STAU1: variants seen among roughly 807,000 people sequenced by gnomAD.
The protein encoded by STAU1 is staufen double-stranded RNA binding protein 1, also known as double-stranded RNA-binding protein Staufen homolog 1.
In STAU1, 13 loss-of-function variants were observed where a neutral mutation model predicts 62.9. The ratio of observed to expected loss-of-function variants is 0.21; its 90% CI spans 0.13 to 0.33. STAU1 has a LOEUF of 0.33. Ranked by LOEUF, STAU1 falls within the 10% of genes least tolerant of loss-of-function variation. STAU1 has a pLI of 1.00. For synonymous variants in STAU1, 269 were observed against 265.1 expected (o/e 1.01, Z -0.14); for missense variants, 571 against 712.1 (o/e 0.80, Z 2.25).
chr20:49,193,992 T>C, the STAU1 span, among the ~76,000 whole-genome samples: 2 of 151,962 alleles, frequency 1.3e-5, no homozygotes, highest in African/African-American at 4.8e-5. Flanking sequence ...AAAAGTGGTA[T>C]TTCAAATTGG....
chr20:49,114,785 C>A lies in STAU1; in HGVS notation c.*93G>T, dbSNP rs2092273372. On this transcript the variant is annotated 3_prime_UTR_variant, in exon 14 of 14. Transcript: ENST00000371856. ...TTTACCCACCGTGTCTCTCGGCCCACTGGAGGTATCAGAAATTCCAAATTT... is the reference window on the plus strand; with the variant it reads ...TTTACCCACCGTGTCTCTCGGCCCAATGGAGGTATCAGAAATTCCAAATTT... The A allele has an allele frequency of 4.1e-6, 5 of 1,227,204 alleles. No homozygotes were observed. In the South Asian group the frequency reaches 6.2e-5, roughly 15 times the overall value. 76.0% of individuals were successfully genotyped at this position (1,227,204 alleles called of 1,614,324 possible).
At chr20:49,175,372 A>C (rs2146507432) in intron 1 of STAU1, among the ~76,000 whole-genome samples, 1 of 152,092 alleles carries the variant, frequency 6.6e-6, no homozygotes, top group Non-Finnish European at 1.5e-5. Context: ...CTGGGTGAAG[A>C]ATATTTTGCA....
In STAU1 at chr20:49,174,704, G is replaced by A. The variant is rs1002799773; in HGVS notation, c.-159-435C>T. On this transcript the variant is annotated intron_variant, in intron 1 of 13. Transcript: ENST00000371856. ...TGTAATCCCAGCACTTTGGGAGGCCGAGGCGGGTGGATCACGAGGTCAGGA... is the reference window on the plus strand; with the variant it reads ...TGTAATCCCAGCACTTTGGGAGGCCAAGGCGGGTGGATCACGAGGTCAGGA... 4.6e-5 allele frequency among the ~76,000 whole-genome samples: 7 copies of A among 152,314 alleles called. No individual in the cohort carries two copies. In the East Asian group the frequency reaches 5.8e-4, roughly 13 times the overall value.
At chr20:49,194,571 C>CTACGATCTTTCAAATTAT in the STAU1 span, among the ~76,000 whole-genome samples, 1 of 151,680 alleles carries the variant, frequency 6.6e-6, no homozygotes, top group East Asian at 1.9e-4. Context: ...CTGCAGAGAA[C>CTACGATCTTTCAAATTAT]TATTATTATT....
intron 1 of STAU1, among the ~76,000 whole-genome samples, chr20:49,187,099 AC>A (rs1015277304): frequency 5.9e-5 from 9 of 151,796 alleles, no homozygotes; most frequent in African/African-American, 2.2e-4. Flanking sequence ...ATCTCCGTAC[AC>A]CCCCCTTCAG....
At chr20:49,196,560 G>T in the STAU1 span, among the ~76,000 whole-genome samples, 1 of 152,032 alleles carries the variant, frequency 6.6e-6, no homozygotes, top group Non-Finnish European at 1.5e-5. Context: ...GCCGAGGCCG[G>T]CAGATCTCCT....
intron 1 of STAU1, among the ~76,000 whole-genome samples, chr20:49,177,159 C>A (rs1441216543): frequency 1.3e-5 from 2 of 151,950 alleles, no homozygotes; most frequent in Non-Finnish European, 2.9e-5. Flanking sequence ...ATCCGCCCAC[C>A]TCGGCCTCCC....
At chr20:49,132,117 G>C (rs945039587) in intron 6 of STAU1, among the ~76,000 whole-genome samples, 6 of 151,960 alleles carry the variant, frequency 3.9e-5, no homozygotes, top group Admixed American at 6.6e-5. Flanking sequence ...GGTGTGGGAA[G>C]GACCTGGCCT....
upstream of STAU1, among the ~76,000 whole-genome samples, chr20:49,193,220 T>C (rs1428745394): frequency 1.3e-5 from 2 of 151,548 alleles, no homozygotes; most frequent in Non-Finnish European, 2.9e-5. Flanking sequence ...TTACTAAAAA[T>C]AGAAAAATTA....
intron 5 of STAU1, among the ~76,000 whole-genome samples, chr20:49,137,968 C>A (rs537555053): frequency 2.0e-5 from 3 of 151,864 alleles, no homozygotes; most frequent in Non-Finnish European, 4.4e-5. Flanking sequence ...ACATGAGCCA[C>A]CGTGTCTGGC....
intron 9 of STAU1, 23 bp downstream of exon 9, chr20:49,119,959 A>G (rs1175026626): frequency 1.2e-6 from 2 of 1,608,248 alleles, no homozygotes; most frequent in Non-Finnish European, 8.5e-7. Context: ...CCATCTTGCA[A>G]TCAGAGAGCC....
At chr20:49,147,585 C>T (rs190430594) in intron 5 of STAU1, among the ~76,000 whole-genome samples, 173 of 152,360 alleles carry the variant, frequency 1.1e-3, no homozygotes, top group African/African-American at 3.8e-3. Flanking sequence ...ATATGTACCA[C>T]CATGCATACC....
At chr20:49,131,421 A>G (rs2092746403) in intron 6 of STAU1, among the ~76,000 whole-genome samples, 1 of 152,212 alleles carries the variant, frequency 6.6e-6, no homozygotes, top group African/African-American at 2.4e-5. Context: ...GTGGTTATTT[A>G]AGAGAATGTC....
At chr20:49,137,023 C>T (rs889401237) in intron 5 of STAU1, among the ~76,000 whole-genome samples, 1 of 151,988 alleles carries the variant, frequency 6.6e-6, no homozygotes, top group South Asian at 2.1e-4. Flanking sequence ...TGCAGCCATG[C>T]GCATGGCAGT....
intron 3 of STAU1, among the ~76,000 whole-genome samples, chr20:49,157,822 T>C (rs958324523): frequency 6.6e-6 from 1 of 151,918 alleles, no homozygotes; most frequent in African/African-American, 2.4e-5. Context: ...AGGGTCTCCC[T>C]ATGTTGCCTA....
chr20:49,165,875 G>C, intron 3 of STAU1, 122 bp downstream of exon 3: 2 of 941,430 alleles, frequency 2.1e-6, no homozygotes, highest in Non-Finnish European at 3.3e-6. Flanking sequence ...AGTGTGGGTG[G>C]TGATACTTTC....
chr20:49,168,185 A>G (rs182160849), intron 2 of STAU1, among the ~76,000 whole-genome samples: 1 of 151,722 alleles, frequency 6.6e-6, no homozygotes, highest in Admixed American at 6.6e-5. Flanking sequence ...GGCTCAAGCA[A>G]TTTTCCTGCC....
Position 49,114,794 on chromosome 20 carries a change from T to C in STAU1, c.*84A>G. 7.4e-7 allele frequency: 1 copy of C among 1,355,358 alleles called. No individual in the cohort carries two copies. The highest frequency in any genetic ancestry group is 1.1e-6 in the Non-Finnish European group (1 of 952,350). The allele number at this position is 1,355,358 out of a possible 1,614,324, so 84.0% of individuals were successfully genotyped here. On this transcript the variant is annotated 3_prime_UTR_variant, in exon 14 of 14. Coordinates refer to ENST00000371856, the MANE Select transcript of STAU1 (RefSeq NM_017453.4). ...CGTGTCTCTCGGCCCACTGGAGGTA[T>C]CAGAAATTCCAAATTTTCAAAGCAG... is the stretch of plus-strand genomic sequence containing the variant.
chr20:49,180,067 T>A (rs752624270), intron 1 of STAU1, among the ~76,000 whole-genome samples: 3 of 152,142 alleles, frequency 2.0e-5, no homozygotes, highest in African/African-American at 7.2e-5. Flanking sequence ...CTGATTCAGA[T>A]CACCGTTTCA....
Sources: allele counts gnomAD v4.1 joint callset (sites outside exome capture counted in the v4.1 genomes callset), GRCh38; gene constraint gnomAD v4.1.1; transcripts MANE v1.5; gene names NCBI Gene and HGNC (gene_info 2026-07-23, HGNC 2026-07-21).